The following TAFA1 variants were observed in gnomAD, a reference collection of about 807,000 sequenced individuals.
TAFA1 encodes the protein TAFA chemokine like family member 1, also known as chemokine-like protein TAFA-1.
TAFA1 carries 4 observed loss-of-function variants against 18.5 expected under a neutral mutation model. That is an observed-to-expected ratio of 0.22 (90% CI 0.11 to 0.49). TAFA1 has a LOEUF of 0.49. Among genes scored for constraint, TAFA1 ranks in the 20% least tolerant of loss-of-function variants. The pLI is 0.98. For missense variants in TAFA1, 147 were observed against 169.0 expected, an observed-to-expected ratio of 0.87 and a Z score of 0.72; for synonymous variants, 56 against 55.2, an observed-to-expected ratio of 1.01 and a Z score of -0.06.
intron 2 of TAFA1, among the ~76,000 whole-genome samples, chr3:68,397,352 C>T (rs781547220): frequency 6.6e-6 from 1 of 152,148 alleles, no homozygotes; most frequent in Non-Finnish European, 1.5e-5. Flanking sequence ...TGATGTTCCC[C>T]TTTCTGTGTC....
chr3:68,306,318 C>T (rs1199159715), intron 2 of TAFA1, among the ~76,000 whole-genome samples: 3 of 152,042 alleles, frequency 2.0e-5, no homozygotes, highest in African/African-American at 4.8e-5. Flanking sequence ...GGATTAGTGC[C>T]TAAGGGGAAA....
chr3:68,204,302 C>T (rs780001409), intron 2 of TAFA1, among the ~76,000 whole-genome samples: 5 of 151,826 alleles, frequency 3.3e-5, no homozygotes, highest in African/African-American at 4.8e-5. Flanking sequence ...GATTTCTACT[C>T]TCCTTTGGGC....
At chr3:68,157,449 A>C (rs2065878633) in intron 2 of TAFA1, among the ~76,000 whole-genome samples, 1 of 152,180 alleles carries the variant, frequency 6.6e-6, no homozygotes, top group African/African-American at 2.4e-5. Flanking sequence ...GAGGAGAAAA[A>C]GCCTTGCCTT....
chr3:68,134,549 G>A (rs983124233), intron 2 of TAFA1, among the ~76,000 whole-genome samples: 1 of 152,102 alleles, frequency 6.6e-6, no homozygotes, highest in Admixed American at 6.6e-5. Context: ...AGTGTCAGTG[G>A]CCTGCTGGAA....
chr3:68,145,074 A>C (rs990192653), intron 2 of TAFA1: 44 of 1,555,622 alleles, frequency 2.8e-5, no homozygotes, highest in Non-Finnish European at 3.5e-5. Context: ...GAGAACCAGG[A>C]GCTCGAGGCC....
Position 68,174,366 on chromosome 3 carries a change from C to T in TAFA1, c.118+167622C>T, listed in dbSNP as rs114216927. ...AATCATGGGGGCAGGTCTTTCCTGCCGCCAAGAAGACAGAAAAATGTGGGA... is the reference window on the plus strand; with the variant it reads ...AATCATGGGGGCAGGTCTTTCCTGCTGCCAAGAAGACAGAAAAATGTGGGA... On this transcript the variant is annotated intron_variant, in intron 2 of 4. Transcript: ENST00000478136. Among the ~76,000 whole-genome samples the T allele has an allele frequency of 3.6e-3, 542 of 152,066 alleles. 2 individuals carry two copies. The highest frequency in any genetic ancestry group is 0.012 in the African/African-American group (501 of 41,476).
intron 2 of TAFA1, among the ~76,000 whole-genome samples, chr3:68,088,241 G>A (rs375944916): frequency 2.2e-3 from 328 of 152,242 alleles, no homozygotes; most frequent in African/African-American, 7.7e-3. Context: ...AAATAATATA[G>A]CAATCATACT....
chr3:68,172,763 T>C (rs1444892091), intron 2 of TAFA1, among the ~76,000 whole-genome samples: 1 of 152,080 alleles, frequency 6.6e-6, no homozygotes, highest in Admixed American at 6.6e-5. Context: ...ATAAAGGCAG[T>C]CACCAAAGGG....
rs60291932 is a variant in TAFA1 at position 68,331,856 on chromosome 3, C to CTTTTTTTTTTTTTTTTT, written c.119-85415_119-85399dup. ...TGGGTAAAGGATAGTCTTTTCTTTT[C>CTTTTTTTTTTTTTTTTT]TTTTTTTTTTTTTTTTTTTTTTTTT... On this transcript the variant is annotated intron_variant, in intron 2 of 4. Coordinates refer to ENST00000478136, the MANE Select transcript of TAFA1 (RefSeq NM_213609.4). 1.3e-4 allele frequency among the ~76,000 whole-genome samples: 10 copies of CTTTTTTTTTTTTTTTTT among 76,204 alleles called. 2 individuals are homozygous for CTTTTTTTTTTTTTTTTT. Among genetic ancestry groups the CTTTTTTTTTTTTTTTTT allele is most frequent in the Non-Finnish European group, 2.1e-4 (9 of 43,136 alleles). 50.0% of individuals were successfully genotyped at this position (76,204 alleles called of 152,430 possible).
At chr3:68,162,415 G>C (rs1281677200) in intron 2 of TAFA1, among the ~76,000 whole-genome samples, 2 of 152,152 alleles carry the variant, frequency 1.3e-5, no homozygotes, top group Non-Finnish European at 2.9e-5. Context: ...GCTCCTATAA[G>C]AATGTAATGC....
At chr3:68,021,543 A>T (rs1270498450) in intron 2 of TAFA1, among the ~76,000 whole-genome samples, 1 of 152,320 alleles carries the variant, frequency 6.6e-6, no homozygotes, top group African/African-American at 2.4e-5. Flanking sequence ...ACACAATGGT[A>T]GCTAAATGTC....
intron 2 of TAFA1, among the ~76,000 whole-genome samples, chr3:68,072,828 C>T (rs1196168778): frequency 2.0e-5 from 3 of 152,100 alleles, no homozygotes; most frequent in Non-Finnish European, 4.4e-5. Flanking sequence ...CTGGTTTTGT[C>T]TGAAGCTTGA....
intron 2 of TAFA1, among the ~76,000 whole-genome samples, chr3:68,348,893 AG>A (rs1253003631): frequency 6.6e-6 from 1 of 152,006 alleles, no homozygotes; most frequent in Non-Finnish European, 1.5e-5. Context: ...CATATTAAAG[AG>A]GGGGTTGGGG....
rs531181288 is a variant in TAFA1, at chr3:68,129,318, C to T, written c.118+122574C>T. 2.0e-5 allele frequency among the ~76,000 whole-genome samples: 3 copies of T among 152,300 alleles called. No homozygotes were observed. In the East Asian group the frequency reaches 5.8e-4, roughly 29 times the overall value. Reference sequence around the variant, plus strand: ...AGAAGCCACACAAGTTGAAGGAATGCTACACCCAATCCCAGCATTTAAAAA... The same window carrying T: ...AGAAGCCACACAAGTTGAAGGAATGTTACACCCAATCCCAGCATTTAAAAA... On this transcript the variant is annotated intron_variant, in intron 2 of 4. Coordinates refer to ENST00000478136, the MANE Select transcript of TAFA1 (RefSeq NM_213609.4).
intron 2 of TAFA1, among the ~76,000 whole-genome samples, chr3:68,243,099 T>A (rs2067022455): frequency 6.6e-6 from 1 of 151,904 alleles, no homozygotes; most frequent in Non-Finnish European, 1.5e-5. Flanking sequence ...CGAGACAAGG[T>A]CTTGTTCTGT....
chr3:68,509,286 T>C (rs115519515), intron 3 of TAFA1, among the ~76,000 whole-genome samples: 2,712 of 152,204 alleles, frequency 0.018, 97 homozygotes, highest in African/African-American at 0.062. Context: ...ACATGTGGTC[T>C]CATTAGAGTT....
At chr3:67,993,907 G>A in the TAFA1 span, among the ~76,000 whole-genome samples, 3 of 152,096 alleles carry the variant, frequency 2.0e-5, no homozygotes, top group African/African-American at 7.2e-5. Flanking sequence ...GGTTAATCAA[G>A]GGGAGGGGGG....
chr3:68,478,145 G>A (rs1344831127), intron 3 of TAFA1, among the ~76,000 whole-genome samples: 3 of 152,204 alleles, frequency 2.0e-5, no homozygotes, highest in Non-Finnish European at 4.4e-5. Context: ...ATTCTCATAG[G>A]TAACAGCAGC....
chr3:68,525,328 C>CA (rs1470455398), intron 3 of TAFA1, among the ~76,000 whole-genome samples: 1 of 152,080 alleles, frequency 6.6e-6, no homozygotes, highest in African/African-American at 2.4e-5. Context: ...TATAAGAATC[C>CA]TTATATCATC....
Sources: gnomAD v4.1 joint callset for allele counts (sites outside exome capture counted in the v4.1 genomes callset) on GRCh38, gnomAD v4.1.1 for gene constraint, MANE v1.5 for transcripts, NCBI Gene and HGNC (gene_info 2026-07-23, HGNC 2026-07-21) for gene names.